CHODL: variants seen among roughly 807,000 people sequenced by gnomAD.
CHODL encodes chondrolectin, also known as transmembrane protein MT75.
Under a neutral mutation model 34.5 loss-of-function variants are expected in CHODL, and 29 were observed. The observed-to-expected ratio is 0.84, with a 90% CI of 0.63 to 1.15. The LOEUF (loss-of-function observed/expected upper bound fraction) is 1.15. CHODL is among the 50% of genes most tolerant of loss of function. CHODL has a pLI of 0.00. For missense variants in CHODL, 332 were observed against 332.5 expected (o/e 1.00, Z 0.01); for synonymous variants, 125 against 116.1 (o/e 1.08, Z -0.49).
rs146077538 is a variant in CHODL at position 18,250,322 on chromosome 21, T to TAAA, written c.79+5025_79+5027dup. ...CTCCATTGTAAATATTCTGATTTTT[T>TAAA]AAAAAAATAGTCTCATGCTCTTCTC... On this transcript the variant is annotated intron_variant, in intron 1 of 5. Transcript: ENST00000299295. Among the ~76,000 whole-genome samples, 164 of 152,048 alleles carry TAAA rather than the reference T, an allele frequency of 1.1e-3. 1 individual carries two copies. The highest frequency in any genetic ancestry group is 3.5e-3 in the African/African-American group (147 of 41,442).
At chr21:18,189,629 ATTTTTTTTT>A (rs35604998) in intron 2 of CHODL, among the ~76,000 whole-genome samples, 14 of 94,602 alleles carry the variant, frequency 1.5e-4, no homozygotes, top group African/African-American at 2.3e-4. Flanking sequence ...GAAGTGGGCA[ATTTTTTTTT>A]TTTTTTTTTT....
chr21:17,923,213 A>G (rs2063196085), intron 1 of CHODL, among the ~76,000 whole-genome samples: 1 of 151,886 alleles, frequency 6.6e-6, no homozygotes, highest in South Asian at 2.1e-4. Context: ...GGGGGCCTCA[A>G]GATTTATTTT....
At chr21:18,185,866 A>G (rs929412314) in intron 2 of CHODL, among the ~76,000 whole-genome samples, 1 of 152,178 alleles carries the variant, frequency 6.6e-6, no homozygotes, top group Non-Finnish European at 1.5e-5. Context: ...CTAGCTGTCT[A>G]GGGTCTCTCA....
intron 2 of CHODL, among the ~76,000 whole-genome samples, chr21:18,143,990 T>C (rs2072834121): frequency 6.6e-6 from 1 of 152,094 alleles, no homozygotes; most frequent in South Asian, 2.1e-4. Flanking sequence ...GACAGTAACA[T>C]AACCAACATT....
chr21:18,048,931 A>ATTT (rs1568860626), intron 2 of CHODL, among the ~76,000 whole-genome samples: 4 of 151,616 alleles, frequency 2.6e-5, no homozygotes, highest in African/African-American at 9.7e-5. Context: ...CATTTTTTTA[A>ATTT]AAAAAATAGA....
At chr21:18,102,675 A>G (rs1457091231) in intron 2 of CHODL, among the ~76,000 whole-genome samples, 1 of 152,194 alleles carries the variant, frequency 6.6e-6, no homozygotes, top group Non-Finnish European at 1.5e-5. Context: ...TAATTGTCTA[A>G]CCCTTTAATT....
intron 1 of CHODL, among the ~76,000 whole-genome samples, chr21:18,010,331 A>AG (rs1236160512): frequency 6.7e-6 from 1 of 149,244 alleles, no homozygotes; most frequent in Non-Finnish European, 1.5e-5. Context: ...AAGAAGAAAA[A>AG]GGAAAAAAAA....
intron 1 of CHODL, among the ~76,000 whole-genome samples, chr21:17,955,127 A>C (rs2063486642): frequency 7.4e-6 from 1 of 135,392 alleles, no homozygotes; most frequent in African/African-American, 2.5e-5. Flanking sequence ...GCAAAAGAGC[A>C]GTTCTTTTCT....
intron 2 of CHODL, among the ~76,000 whole-genome samples, chr21:18,190,530 T>C (rs552370134): frequency 2.0e-5 from 3 of 152,346 alleles, no homozygotes; most frequent in African/African-American, 4.8e-5. Context: ...AAGATTTTGC[T>C]GAAAATGTCT....
chr21:18,141,506 A>C (rs1451779249), intron 2 of CHODL, among the ~76,000 whole-genome samples: 1 of 152,046 alleles, frequency 6.6e-6, no homozygotes, highest in Non-Finnish European at 1.5e-5. Context: ...AATGGGCAAC[A>C]CAGAAGATGA....
chr21:18,112,425 A>G (rs2065362001), intron 2 of CHODL, among the ~76,000 whole-genome samples: 1 of 152,176 alleles, frequency 6.6e-6, no homozygotes, highest in Non-Finnish European at 1.5e-5. Flanking sequence ...CCAAAAATTT[A>G]TATGGAACCA....
intron 2 of CHODL, among the ~76,000 whole-genome samples, chr21:18,174,034 A>G (rs950469422): frequency 3.6e-5 from 5 of 137,660 alleles, no homozygotes; most frequent in African/African-American, 1.3e-4. Flanking sequence ...AAAAATCTAA[A>G]TAACCATCCG....
chr21:17,952,819 G>A (rs752046044), intron 1 of CHODL, among the ~76,000 whole-genome samples: 22 of 152,248 alleles, frequency 1.4e-4, no homozygotes, highest in Non-Finnish European at 2.6e-4. Flanking sequence ...AGGTTTAATC[G>A]CCTCTCAGTC....
intron 1 of CHODL, among the ~76,000 whole-genome samples, chr21:17,960,140 A>G (rs1197819891): frequency 1.3e-5 from 2 of 152,198 alleles, no homozygotes; most frequent in African/African-American, 4.8e-5. Flanking sequence ...GATACAGCAA[A>G]TGAGGGGTTA....
chr21:18,242,778 C>A (rs989224729), upstream of CHODL, among the ~76,000 whole-genome samples: 4 of 152,142 alleles, frequency 2.6e-5, no homozygotes, highest in East Asian at 1.9e-4. Flanking sequence ...GAAGTCTGTG[C>A]AAACATATTG....
intron 2 of CHODL, among the ~76,000 whole-genome samples, chr21:18,193,814 A>G (rs1056626465): frequency 3.3e-5 from 5 of 152,158 alleles, no homozygotes; most frequent in Non-Finnish European, 7.4e-5. Flanking sequence ...AAGATTTACA[A>G]TGGTTCCAAA....
chr21:18,071,884 G>T (rs2146500427), intron 2 of CHODL, among the ~76,000 whole-genome samples: 1 of 152,066 alleles, frequency 6.6e-6, no homozygotes, highest in South Asian at 2.1e-4. Flanking sequence ...GCTTACTTTT[G>T]TCTTAATCTT....
At chr21:18,206,763 C>T (rs890220001) in intron 2 of CHODL, among the ~76,000 whole-genome samples, 2 of 150,970 alleles carry the variant, frequency 1.3e-5, no homozygotes, top group African/African-American at 4.9e-5. Flanking sequence ...GTGTTTTTCT[C>T]TGGTGGTGTT....
intron 1 of CHODL, among the ~76,000 whole-genome samples, chr21:17,935,839 T>C (rs1188218339): frequency 6.6e-6 from 1 of 152,062 alleles, no homozygotes; most frequent in Non-Finnish European, 1.5e-5. Context: ...GGGTGCTGAT[T>C]GAGGTGATGT....
Sources: gnomAD v4.1 joint callset for allele counts (sites outside exome capture counted in the v4.1 genomes callset) on GRCh38, gnomAD v4.1.1 for gene constraint, MANE v1.5 for transcripts, NCBI Gene and HGNC (gene_info 2026-07-23, HGNC 2026-07-21) for gene names.